The following DGAT2 variants were observed in gnomAD, a reference collection of about 807,000 sequenced individuals.
DGAT2 encodes acyl-CoA retinol O-fatty-acyltransferase.
In DGAT2, 33 loss-of-function variants were observed where a neutral mutation model predicts 48.4. The ratio of observed to expected loss-of-function variants is 0.68; its 90% CI spans 0.52 to 0.91. The LOEUF (loss-of-function observed/expected upper bound fraction) is 0.91. Among genes scored for constraint, DGAT2 ranks in the 40% least tolerant of loss-of-function variants. The pLI, the probability that DGAT2 is intolerant of heterozygous loss-of-function variation, is 0.00. For missense variants in DGAT2, 446 were observed against 493.7 expected, an observed-to-expected ratio of 0.90 and a Z score of 0.92; for synonymous variants, 191 against 194.1, an observed-to-expected ratio of 0.98 and a Z score of 0.13.
chr11:75,783,463 T>A (rs1944889820), intron 1 of DGAT2, among the ~76,000 whole-genome samples: 1 of 152,186 alleles, frequency 6.6e-6, no homozygotes, highest in African/African-American at 2.4e-5. Context: ...GGCCCCTAAA[T>A]CCGTCTTTCT....
chr11:75,785,434 C>T (rs1944911340), intron 2 of DGAT2, among the ~76,000 whole-genome samples: 2 of 152,202 alleles, frequency 1.3e-5, no homozygotes, highest in Non-Finnish European at 2.9e-5. Flanking sequence ...GAGGCCTGCT[C>T]CCTGCTATCT....
rs377638530 is a variant in DGAT2 at position 75,797,173 on chromosome 11, G to A, written c.650G>A (p.Ser217Asn). The A allele has an allele frequency of 7.3e-6, 11 of 1,499,244 alleles. No homozygotes were observed. Among genetic ancestry groups the A allele is most frequent in the Non-Finnish European group, 8.1e-6 (9 of 1,117,914 alleles). 92.9% of individuals were successfully genotyped at this position (1,499,244 alleles called of 1,614,324 possible). A position where few individuals can be genotyped will look rare whatever the true frequency, so the allele number is the denominator to read the frequency against. ...YLMSGGICPV[S>N]RDTIDYLLSK... ...CTCCCCTCAGGTATCTGCCCTGTCA[G>A]CCGGGACACCATAGACTATTTGCTT... Residue 217 changes from serine to asparagine, a missense_variant, in exon 6 of 8, where the codon AGC becomes AAC. Ser to Asn is a conservative substitution (Grantham distance 46). Transcript: ENST00000228027.
intron 1 of DGAT2, 34 bp downstream of exon 1, chr11:75,769,146 GAGA>G (rs1944731185): frequency 6.6e-7 from 1 of 1,521,470 alleles, no homozygotes; most frequent in Non-Finnish European, 8.7e-7. Flanking sequence ...ATGGACCTGC[GAGA>G]AGATTTTCTG....
intron 4 of DGAT2, chr11:75,795,752 G>A (rs775259037): frequency 6.5e-6 from 1 of 153,840 alleles, no homozygotes; most frequent in African/African-American, 2.4e-5. Flanking sequence ...CAGGCCAGGG[G>A]AGTAGGAGGT....
intron 1 of DGAT2, among the ~76,000 whole-genome samples, chr11:75,777,954 A>G (rs1298843588): frequency 6.6e-6 from 1 of 152,172 alleles, no homozygotes; most frequent in Non-Finnish European, 1.5e-5. Context: ...GAAGTTAAGC[A>G]TCCTAACTTA....
At chr11:75,771,253 AG>A (rs1944754597) in intron 1 of DGAT2, among the ~76,000 whole-genome samples, 1 of 152,060 alleles carries the variant, frequency 6.6e-6, no homozygotes, top group Non-Finnish European at 1.5e-5. Context: ...TAATCCTTGG[AG>A]GGCTGTCCTG....
chr11:75,786,188 A>C (rs1285318116), intron 2 of DGAT2, among the ~76,000 whole-genome samples: 1 of 138,284 alleles, frequency 7.2e-6, no homozygotes, highest in African/African-American at 3.5e-5. Context: ...GAGCAAACTA[A>C]ACAGTCTCCC....
chr11:75,779,177 A>G, intron 1 of DGAT2, among the ~76,000 whole-genome samples: 1 of 152,196 alleles, frequency 6.6e-6, no homozygotes, highest in South Asian at 2.1e-4. Flanking sequence ...CCTGGGTCTG[A>G]GAACTGCTTG....
chr11:75,774,683 C>A (rs1944788316), intron 1 of DGAT2, among the ~76,000 whole-genome samples: 1 of 152,180 alleles, frequency 6.6e-6, no homozygotes, highest in South Asian at 2.1e-4. Flanking sequence ...TTGTCCTCAG[C>A]TTCTCCTTGT....
chr11:75,784,732 C>T lies in DGAT2; in HGVS notation c.236C>T (p.Ser79Phe). 6.2e-7 allele frequency: 1 copy of T among 1,614,070 alleles called. No homozygotes were observed. The highest frequency in any genetic ancestry group is 8.5e-7 in the Non-Finnish European group (1 of 1,179,976). Reference sequence around the variant, plus strand: ...ATCTCAGTGCTCCAGTGGGTCCTGTCCTTCCTTGTACTGGGTAAGCTGGGC... The same window carrying T: ...ATCTCAGTGCTCCAGTGGGTCCTGTTCTTCCTTGTACTGGGTAAGCTGGGC... ...QVISVLQWVLSFLVLGVACSA... is the reference protein window; with the variant it reads ...QVISVLQWVLFFLVLGVACSA... Residue 79 changes from serine (S) to phenylalanine (F), a missense_variant, in exon 2 of 8, where the codon TCC (serine) becomes TTC (phenylalanine). Physicochemically the swap from Ser to Phe is radical, Grantham distance 155 (BLOSUM62 -2). Transcript: ENST00000228027.
chr11:75,784,100 G>A (rs930707751), intron 1 of DGAT2, among the ~76,000 whole-genome samples: 3 of 152,138 alleles, frequency 2.0e-5, no homozygotes, highest in African/African-American at 7.2e-5. Context: ...CTTGGAGAAG[G>A]GGTATTAGTC....
intron 2 of DGAT2, among the ~76,000 whole-genome samples, chr11:75,788,217 T>TCTAGC (rs1308149720): frequency 5.9e-5 from 9 of 151,810 alleles, no homozygotes; most frequent in African/African-American, 1.9e-4. Flanking sequence ...GCCTGTAGAG[T>TCTAGC]CTGGGGGGCT....
chr11:75,772,948 C>G (rs1944771956), intron 1 of DGAT2, among the ~76,000 whole-genome samples: 1 of 152,194 alleles, frequency 6.6e-6, no homozygotes, highest in Non-Finnish European at 1.5e-5. Flanking sequence ...CAAGGTTGTG[C>G]TACTGCACTC....
At chr11:75,785,144 G>A (rs1465831778) in intron 2 of DGAT2, among the ~76,000 whole-genome samples, 2 of 152,208 alleles carry the variant, frequency 1.3e-5, no homozygotes, top group East Asian at 1.9e-4. Flanking sequence ...CCTTAAGGTG[G>A]TTTGGTGCCA....
intron 1 of DGAT2, among the ~76,000 whole-genome samples, chr11:75,775,288 T>C (rs1270208627): frequency 1.3e-5 from 2 of 152,144 alleles, no homozygotes; most frequent in Non-Finnish European, 2.9e-5. Flanking sequence ...GATGCCTGGC[T>C]CCCTGCAGCA....
intron 7 of DGAT2, among the ~76,000 whole-genome samples, chr11:75,800,011 C>G (rs1228797526): frequency 6.6e-6 from 1 of 152,146 alleles, no homozygotes; most frequent in Non-Finnish European, 1.5e-5. Context: ...AACTGAGGGT[C>G]AGAGAGGCAG....
chr11:75,800,696 C>A lies in DGAT2; in HGVS notation c.*188C>A. The A allele has an allele frequency of 2.6e-6, 2 of 768,012 alleles. No individual in the cohort carries two copies. Among genetic ancestry groups the A allele is most frequent in the Non-Finnish European group, 4.0e-6 (2 of 499,740 alleles). The allele number at this position is 768,012 out of a possible 1,614,324, so 47.6% of individuals were successfully genotyped here. On this transcript the variant is annotated 3_prime_UTR_variant, in exon 8 of 8. Transcript: ENST00000228027. Reference sequence around the variant, plus strand: ...GTATTTCAAGTTCTTTCACTTCCAGCTTGCCCTGTTCTAGGTGGTGGCTAA... The same window carrying A: ...GTATTTCAAGTTCTTTCACTTCCAGATTGCCCTGTTCTAGGTGGTGGCTAA...
intron 1 of DGAT2, among the ~76,000 whole-genome samples, chr11:75,778,348 C>G (rs1469108846): frequency 2.0e-5 from 3 of 152,156 alleles, no homozygotes; most frequent in African/African-American, 7.2e-5. Flanking sequence ...TCATGGCCTC[C>G]TTGGAGCCTC....
intron 1 of DGAT2, chr11:75,774,186 G>A (rs10899119): frequency 0.11 from 16,421 of 152,394 alleles, 946 homozygotes; most frequent in East Asian, 0.22. Context: ...AGGGCCTCCT[G>A]GTATGGAGCT....
Sources: gnomAD v4.1 joint callset for allele counts (sites outside exome capture counted in the v4.1 genomes callset) on GRCh38, gnomAD v4.1.1 for gene constraint, MANE v1.5 for transcripts, NCBI Gene and HGNC (gene_info 2026-07-23, HGNC 2026-07-21) for gene names.